TMEM151A: variants seen among roughly 807,000 people sequenced by gnomAD.
TMEM151A encodes transmembrane protein 151.
In TMEM151A, 21 loss-of-function variants were observed where a neutral mutation model predicts 33.7. The observed-to-expected ratio is 0.62, with a 90% CI of 0.44 to 0.90. The LOEUF is 0.90. Among genes scored for constraint, TMEM151A ranks in the 40% least tolerant of loss-of-function variants. TMEM151A has a pLI of 0.00. For missense variants in TMEM151A, 704 were observed against 697.7 expected (o/e 1.01, Z -0.10); for synonymous variants, 374 against 330.3 (o/e 1.13, Z -1.43).
Position 66,295,095 on chromosome 11 carries a change from G to T in TMEM151A, c.849G>T (p.Ala283=). Reference sequence around the variant, plus strand: ...ACCCCCGCAGCCCGCCCTGGTACGCGCGCGCCTGGGTCTTCTGGCTCGTGT... The same window carrying T: ...ACCCCCGCAGCCCGCCCTGGTACGCTCGCGCCTGGGTCTTCTGGCTCGTGT... ...FADPRSPPWY[A]RAWVFWLVSA... Residue 283 remains alanine, a synonymous_variant, in exon 2 of 2, where the codon GCG becomes GCT. Transcript: ENST00000327259. 8.8e-6 allele frequency: 14 copies of T among 1,594,834 alleles called. No homozygotes were observed. Among genetic ancestry groups the T allele is most frequent in the Non-Finnish European group, 1.0e-5 (12 of 1,176,944 alleles).
At position 66,292,519 on chromosome 11, in the gene TMEM151A, G is replaced by A. The variant is rs1013213347; in HGVS notation, c.75+431G>A. 4.6e-5 allele frequency among the ~76,000 whole-genome samples: 7 copies of A among 152,184 alleles called. No homozygotes were observed. The highest frequency in any genetic ancestry group is 1.7e-4 in the African/African-American group (7 of 41,440). ...AGAGGGGAGGAGGGGAAGAGGAAGG[G>A]AGGCGCCTGGGTACCCCTTCTCCTT... is the stretch of plus-strand genomic sequence containing the variant. On this transcript the variant is annotated intron_variant, in intron 1 of 1. Coordinates refer to ENST00000327259, the MANE Select transcript of TMEM151A (RefSeq NM_153266.4). This position sits in a 1 kb window ranked among gnomAD's most constrained non-coding sequence, Gnocchi z 4.7.
rs1471779899 is a variant in TMEM151A at position 66,295,095 on chromosome 11, G to A, written c.849G>A (p.Ala283=). The A allele has an allele frequency of 6.3e-7, 1 of 1,594,834 alleles. No homozygotes were observed. The highest frequency in any genetic ancestry group is 1.3e-5 in the African/African-American group (1 of 74,906). ...FADPRSPPWY[A]RAWVFWLVSA... is the part of the protein sequence containing the mutation. The stretch of plus-strand genomic sequence containing the variant: ...ACCCCCGCAGCCCGCCCTGGTACGC[G>A]CGCGCCTGGGTCTTCTGGCTCGTGT... The change falls in exon 2 of 2, where the codon GCG becomes GCA. Residue 283 remains alanine, a synonymous_variant. Coordinates refer to ENST00000327259, the MANE Select transcript of TMEM151A (RefSeq NM_153266.4).
At position 66,295,019 on chromosome 11, in the gene TMEM151A, G is replaced by T; in HGVS notation, c.773G>T (p.Gly258Val). 5 of 1,598,142 alleles carry T rather than the reference G, an allele frequency of 3.1e-6. No individual in the cohort carries two copies. The highest frequency in any genetic ancestry group is 4.2e-6 in the Non-Finnish European group (5 of 1,178,740). ...GLDDYLEARE[G>V]MHLKDVDFRE... ...GACGACTATCTGGAGGCGCGCGAGGGCATGCACCTGAAGGACGTAGACTTC... is the reference window on the plus strand; with the variant it reads ...GACGACTATCTGGAGGCGCGCGAGGTCATGCACCTGAAGGACGTAGACTTC... The change falls in exon 2 of 2, where the codon GGC becomes GTC. Residue 258 changes from glycine (G) to valine (V), a missense_variant. Around this residue, in one of 3 missense-constraint regions of TMEM151A, gnomAD observed 398 missense variants for 356.0 expected, o/e 1.12. Transcript: ENST00000327259.
At chr11:66,293,586 C>T (rs138867747) in intron 1 of TMEM151A, among the ~76,000 whole-genome samples, 103 of 152,234 alleles carry the variant, frequency 6.8e-4, no homozygotes, top group African/African-American at 2.1e-3. Context: ...GCACCTCCCC[C>T]GTTCTTGAGG....
Position 66,295,515 on chromosome 11 carries a change from C to A in TMEM151A, c.1269C>A (p.Ser423Arg). The A allele has an allele frequency of 7.2e-7, 1 of 1,394,030 alleles. No individual in the cohort carries two copies. The highest frequency in any genetic ancestry group is 9.3e-7 in the Non-Finnish European group (1 of 1,073,424). The allele number at this position is 1,394,030 out of a possible 1,614,324, so 86.4% of individuals were successfully genotyped here. A position where few individuals can be genotyped will look rare whatever the true frequency, so the allele number is the denominator to read the frequency against. ...CGCCAGGGGTCTTCCGCAGCCTGAG[C>A]GGGGGGCCGCTGGGGCGCCGTGGAG... ...RATPGVFRSL[S>R]GGPLGRRGED... The change falls in exon 2 of 2, where the codon AGC becomes AGA. Residue 423 changes from serine (S) to arginine (R), a missense_variant. By Grantham distance (110) the Ser-to-Arg change is moderately radical. Transcript: ENST00000327259.
At position 66,294,891 on chromosome 11, in the gene TMEM151A, C is replaced by T; in HGVS notation, c.645C>T (p.Ala215=). ...TGGTGGGGCTGGCGGAGCACGCGGC[C>T]ACGCGGCTGCGCTTCACCAAGTGCT... The part of the protein sequence containing the change: ...KELVGLAEHA[A]TRLRFTKCFS... The change falls in exon 2 of 2, where the codon GCC becomes GCT. Residue 215 remains alanine, a synonymous_variant. Transcript: ENST00000327259. 2.6e-6 allele frequency: 4 copies of T among 1,536,544 alleles called. No individual in the cohort carries two copies. Among genetic ancestry groups the T allele is most frequent in the Non-Finnish European group, 3.5e-6 (4 of 1,145,612 alleles).
Position 66,294,837 on chromosome 11 carries a change from G to T in TMEM151A, c.591G>T (p.Ala197=), listed in dbSNP as rs1259954448. Residue 197 remains alanine (A), a synonymous_variant, in exon 2 of 2, where the codon GCG becomes GCT. Coordinates refer to ENST00000327259, the MANE Select transcript of TMEM151A (RefSeq NM_153266.4). ...RTARGEFDYS[A]HGVRDVSKEL... ...CCCGCGGCGAGTTTGACTACTCGGC[G>T]CACGGCGTCCGCGACGTCTCCAAGG... 4 of 1,539,182 alleles carry T rather than the reference G, an allele frequency of 2.6e-6. No homozygotes were observed. Among genetic ancestry groups the T allele is most frequent in the East Asian group, 2.4e-5 (1 of 40,874 alleles).
Position 66,294,833 on chromosome 11 carries a change from C to T in TMEM151A, c.587C>T (p.Ser196Leu), listed in dbSNP as rs1165994342. The stretch of plus-strand genomic sequence containing the variant: ...ACGGCCCGCGGCGAGTTTGACTACT[C>T]GGCGCACGGCGTCCGCGACGTCTCC... ...SRTARGEFDY[S>L]AHGVRDVSKE... is the part of the protein sequence containing the mutation. Residue 196 changes from serine (S) to leucine (L), a missense_variant, in exon 2 of 2, where the codon TCG (serine) becomes TTG (leucine). Physicochemically the swap from Ser to Leu is moderately radical, Grantham distance 145 (BLOSUM62 -2). Around this residue, in one of 3 missense-constraint regions of TMEM151A, gnomAD observed 301 missense variants for 323.4 expected, o/e 0.93. Coordinates refer to ENST00000327259, the MANE Select transcript of TMEM151A (RefSeq NM_153266.4). 2 of 1,539,294 alleles carry T rather than the reference C, an allele frequency of 1.3e-6. No individual in the cohort carries two copies. The highest frequency in any genetic ancestry group is 2.4e-5 in the East Asian group (1 of 40,870).
In TMEM151A at chr11:66,295,655, AC is replaced by A. The variant is rs35383623; in HGVS notation, c.*8del. Reference sequence around the variant, plus strand: ...GGGGATGGGCAGGGTGCTCTCTGAGACCCCCCACGGCCCCCAGAGTGGCCCC... The same window carrying A: ...GGGGATGGGCAGGGTGCTCTCTGAGACCCCCACGGCCCCCAGAGTGGCCCC... On this transcript the variant is annotated 3_prime_UTR_variant, in exon 2 of 2. Coordinates refer to ENST00000327259, the MANE Select transcript of TMEM151A (RefSeq NM_153266.4). 0.15 allele frequency: 226,673 copies of A among 1,493,044 alleles called. 19,397 individuals carry two copies. Among genetic ancestry groups the A allele is most frequent in the African/African-American group, 0.34 (23,376 of 67,936 alleles). The allele number at this position is 1,493,044 out of a possible 1,614,324, so 92.5% of individuals were successfully genotyped here.
At position 66,295,288 on chromosome 11, in the gene TMEM151A, T is replaced by C. The variant is rs1857505198; in HGVS notation, c.1042T>C (p.Trp348Arg). 1 of 1,578,798 alleles carries C rather than the reference T, an allele frequency of 6.3e-7. No individual in the cohort carries two copies. The highest frequency in any genetic ancestry group is 8.6e-7 in the Non-Finnish European group (1 of 1,162,802). ...CACAGTGGACTTCACTGAGCTCGAGTGGCACATCTGCTCCAACCGGCAGCT... is the reference window on the plus strand; with the variant it reads ...CACAGTGGACTTCACTGAGCTCGAGCGGCACATCTGCTCCAACCGGCAGCT... ...VATVDFTELEWHICSNRQLVP... is the reference protein window; with the variant it reads ...VATVDFTELERHICSNRQLVP... Residue 348 changes from tryptophan (W) to arginine (R), a missense_variant, in exon 2 of 2, where the codon TGG becomes CGG. Coordinates refer to ENST00000327259, the MANE Select transcript of TMEM151A (RefSeq NM_153266.4).
At position 66,292,040 on chromosome 11, in the gene TMEM151A, C is replaced by G; in HGVS notation, c.27C>G (p.Gly9=). MPEDGAGD[G]GEVPALIPDG... ...TGCCCGAGGACGGCGCTGGCGACGG[C>G]GGGGAGGTGCCCGCGCTCATCCCGG... The change falls in exon 1 of 2, where the codon GGC becomes GGG. Residue 9 remains glycine (G), a synonymous_variant. Transcript: ENST00000327259. The surrounding 1 kb of genome is among the most constrained non-coding windows in gnomAD (Gnocchi z 4.7). 1 of 1,498,844 alleles carries G rather than the reference C, an allele frequency of 6.7e-7. No homozygotes were observed. Among genetic ancestry groups the G allele is most frequent in the Non-Finnish European group, 8.8e-7 (1 of 1,131,028 alleles). The allele number at this position is 1,498,844 out of a possible 1,614,324, so 92.8% of individuals were successfully genotyped here. A position where few individuals can be genotyped will look rare whatever the true frequency, so the allele number is the denominator to read the frequency against.
chr11:66,295,563 C>T lies in TMEM151A; in HGVS notation c.1317C>T (p.Ser439=), dbSNP rs770736354. 2.7e-6 allele frequency: 4 copies of T among 1,489,024 alleles called. No individual in the cohort carries two copies. The highest frequency in any genetic ancestry group is 1.3e-5 in the South Asian group (1 of 74,542). 92.2% of individuals were successfully genotyped at this position (1,489,024 alleles called of 1,614,324 possible). Residue 439 remains serine (S), a synonymous_variant, in exon 2 of 2, where the codon AGC becomes AGT. Coordinates refer to ENST00000327259, the MANE Select transcript of TMEM151A (RefSeq NM_153266.4). ...GAGAGGACACGGAACCCCTGGAGAG[C>T]CCGCCCTGCTATGAGGACGCCCTCT... ...RRGEDTEPLE[S]PPCYEDALYF... is the part of the protein sequence containing the mutation.
rs370973084 is a variant in TMEM151A, at chr11:66,294,610, G to T, written c.364G>T (p.Val122Leu). 4 of 1,612,556 alleles carry T rather than the reference G, an allele frequency of 2.5e-6. No individual in the cohort carries two copies. In the Admixed American group the frequency reaches 5.0e-5, roughly 20 times the overall value. ...LYLAECWHCH[V>L]RSCQAPRTDA... ...CCTGGCTGAGTGCTGGCACTGTCAC[G>T]TGCGGTCCTGCCAGGCGCCACGCAC... Residue 122 changes from valine (V) to leucine (L), a missense_variant, in exon 2 of 2, where the codon GTG (valine) becomes TTG (leucine). Physicochemically the swap from Val to Leu is conservative, Grantham distance 32. Transcript: ENST00000327259.
Position 66,295,711 on chromosome 11 carries a change from G to A in TMEM151A, c.*58G>A. 2 of 1,363,550 alleles carry A rather than the reference G, an allele frequency of 1.5e-6. No homozygotes were observed. The highest frequency in any genetic ancestry group is 9.5e-7 in the Non-Finnish European group (1 of 1,049,300). The allele number at this position is 1,363,550 out of a possible 1,614,324, so 84.5% of individuals were successfully genotyped here. A position where few individuals can be genotyped will look rare whatever the true frequency, so the allele number is the denominator to read the frequency against. On this transcript the variant is annotated 3_prime_UTR_variant, in exon 2 of 2. Coordinates refer to ENST00000327259, the MANE Select transcript of TMEM151A (RefSeq NM_153266.4). Reference sequence around the variant, plus strand: ...CCACCATTCCACCATGGGCTTAGATGCCCGAGTGATTGTTGTCCAAAACAG... The same window carrying A: ...CCACCATTCCACCATGGGCTTAGATACCCGAGTGATTGTTGTCCAAAACAG...
rs1407435790 is a variant in TMEM151A, at chr11:66,292,229, T to A, written c.75+141T>A. 4.2e-6 allele frequency: 3 copies of A among 712,776 alleles called. No individual in the cohort carries two copies. In the East Asian group the frequency reaches 1.1e-4, roughly 25 times the overall value. The allele number at this position is 712,776 out of a possible 1,614,324, so 44.2% of individuals were successfully genotyped here. ...GACGTCATTGGGGTCACCTGCGCCC[T>A]GCCAAGGGTCCAGGGGCCCGCGTTG... On this transcript the variant is annotated intron_variant, in intron 1 of 1. Transcript: ENST00000327259. The surrounding 1 kb of genome is among the most constrained non-coding windows in gnomAD (Gnocchi z 4.7).
chr11:66,295,818 C>A lies in TMEM151A; in HGVS notation c.*165C>A, dbSNP rs181271106. 4,743 of 543,748 alleles carry A rather than the reference C, an allele frequency of 8.7e-3. 37 individuals carry two copies. Among genetic ancestry groups the A allele is most frequent in the Middle Eastern group, 0.011 (21 of 1,898 alleles). 33.7% of individuals were successfully genotyped at this position (543,748 alleles called of 1,614,324 possible). On this transcript the variant is annotated 3_prime_UTR_variant, in exon 2 of 2. Transcript: ENST00000327259. ...CCTTAAACAGACTAAAATGCAGTTA[C>A]CTGTGGTCATTTTGGAGGAAGTGGA... is the stretch of plus-strand genomic sequence containing the variant.
intron 1 of TMEM151A, 85 bp from the exon 2 acceptor site, chr11:66,294,237 C>G: frequency 6.4e-7 from 1 of 1,556,550 alleles, no homozygotes; most frequent in African/African-American, 1.4e-5. Flanking sequence ...CACGGTATCA[C>G]CTTCCTCAGC....
Position 66,294,626 on chromosome 11 carries a change from C to T in TMEM151A, c.380C>T (p.Ala127Val). ...CACTGTCACGTGCGGTCCTGCCAGG[C>T]GCCACGCACCGACGCCCACACGGTG... The part of the protein sequence containing the change: ...CWHCHVRSCQ[A>V]PRTDAHTVLA... The change falls in exon 2 of 2, where the codon GCG (alanine) becomes GTG (valine). Residue 127 changes from alanine (A) to valine (V), a missense_variant. Coordinates refer to ENST00000327259, the MANE Select transcript of TMEM151A (RefSeq NM_153266.4). 6.2e-7 allele frequency: 1 copy of T among 1,611,358 alleles called. No individual in the cohort carries two copies. Among genetic ancestry groups the T allele is most frequent in the Non-Finnish European group, 8.5e-7 (1 of 1,179,034 alleles).
Position 66,295,768 on chromosome 11 carries a change from C to CT in TMEM151A, c.*115_*116insT. ...AAACAGACCAGCCACACACAAGGGG[C>CT]AGGGGTGAGGGTGGGGGTGGGGGTC... On this transcript the variant is annotated 3_prime_UTR_variant, in exon 2 of 2. Coordinates refer to ENST00000327259, the MANE Select transcript of TMEM151A (RefSeq NM_153266.4). 1 of 1,013,966 alleles carries CT rather than the reference C, an allele frequency of 9.9e-7. No individual in the cohort carries two copies. The highest frequency in any genetic ancestry group is 1.7e-5 in the African/African-American group (1 of 59,370). 62.8% of individuals were successfully genotyped at this position (1,013,966 alleles called of 1,614,324 possible). A position where few individuals can be genotyped will look rare whatever the true frequency, so the allele number is the denominator to read the frequency against.
Sources: allele counts gnomAD v4.1 joint callset (sites outside exome capture counted in the v4.1 genomes callset), GRCh38; gene constraint gnomAD v4.1.1; regional missense constraint gnomAD v4.1.1; non-coding constraint Gnocchi (gnomAD v3.1); transcripts MANE v1.5; gene names NCBI Gene and HGNC (gene_info 2026-07-23, HGNC 2026-07-21).